ADGRA3: variants seen among roughly 807,000 people sequenced by gnomAD.
ADGRA3 encodes the protein G-protein coupled receptor 125.
Under a neutral mutation model 119.8 loss-of-function variants are expected in ADGRA3, and 56 were observed. The ratio of observed to expected loss-of-function variants is 0.47; its 90% CI spans 0.38 to 0.58. The LOEUF (loss-of-function observed/expected upper bound fraction) is 0.58. Ranked by LOEUF, ADGRA3 falls within the 20% of genes least tolerant of loss-of-function variation. The pLI, the probability that ADGRA3 is intolerant of heterozygous loss-of-function variation, is 0.00. For synonymous variants in ADGRA3, 607 were observed against 623.8 expected, an observed-to-expected ratio of 0.97 and a Z score of 0.40; for missense variants, 1,516 against 1,649.0, an observed-to-expected ratio of 0.92 and a Z score of 1.40.
At position 22,388,311 on chromosome 4, in the gene ADGRA3, C is replaced by T. The variant is rs564337647; in HGVS notation, c.3360G>A (p.Ala1120=). ...AATTGGCATGGCACTGAGCTGCAGC[C>T]GCCTGCAAGTTTGTTAATTTGCAGC... ...SQGCKLTNLQ[A]AAAQCHANSL... is the part of the protein sequence containing the mutation. Residue 1120 remains alanine (A), a synonymous_variant, in exon 19 of 19, where the codon GCG becomes GCA. Transcript: ENST00000334304. The T allele has an allele frequency of 1.9e-6, 3 of 1,613,986 alleles. No individual in the cohort carries two copies. The highest frequency in any genetic ancestry group is 1.3e-5 in the African/African-American group (1 of 74,976).
At chr4:22,461,469 T>C (rs1249071261) in intron 3 of ADGRA3, among the ~76,000 whole-genome samples, 2 of 152,146 alleles carry the variant, frequency 1.3e-5, no homozygotes, top group East Asian at 3.9e-4. Context: ...CCAGCTCATT[T>C]TCGTATTTTT....
At chr4:22,451,050 G>A (rs1383219064) in intron 4 of ADGRA3, among the ~76,000 whole-genome samples, 2 of 149,896 alleles carry the variant, frequency 1.3e-5, no homozygotes, top group African/African-American at 4.9e-5. Flanking sequence ...TCCTTCATAT[G>A]ATTTTATTAC....
chr4:22,461,907 T>A (rs1717475715), intron 2 of ADGRA3, 99 bp from the exon 3 acceptor site: 1 of 682,326 alleles, frequency 1.5e-6, no homozygotes, highest in Non-Finnish European at 2.4e-6. Context: ...AAAAGTATAA[T>A]AATAAGAGGA....
chr4:22,481,233 T>A (rs574135149), intron 1 of ADGRA3, among the ~76,000 whole-genome samples: 19 of 152,280 alleles, frequency 1.2e-4, no homozygotes, highest in Admixed American at 1.2e-3. Context: ...AGTCACTAAC[T>A]TCAATTGGTA....
At chr4:22,448,874 T>A (rs1002580527) in intron 4 of ADGRA3, among the ~76,000 whole-genome samples, 6 of 152,214 alleles carry the variant, frequency 3.9e-5, no homozygotes, top group African/African-American at 1.4e-4. Context: ...AGGGAAGTCT[T>A]TTATTTTTGG....
intron 4 of ADGRA3, among the ~76,000 whole-genome samples, chr4:22,450,971 T>C (rs907566392): frequency 2.7e-5 from 4 of 146,888 alleles, no homozygotes; most frequent in East Asian, 2.0e-4. Flanking sequence ...TATATATATA[T>C]ACACCAGATC....
At chr4:22,409,767 T>C (rs190402658) in intron 14 of ADGRA3, among the ~76,000 whole-genome samples, 1 of 152,314 alleles carries the variant, frequency 6.6e-6, no homozygotes, top group East Asian at 1.9e-4. Context: ...GTGTGTGTAG[T>C]ATGCAACCTT....
chr4:22,469,332 G>C (rs1258694259), intron 2 of ADGRA3, among the ~76,000 whole-genome samples: 1 of 152,188 alleles, frequency 6.6e-6, no homozygotes, highest in Non-Finnish European at 1.5e-5. Flanking sequence ...AGACTGTTAA[G>C]TTACATGAGG....
rs72140644 is a variant in ADGRA3 at position 22,498,252 on chromosome 4, C to CAAA, written c.257+17273_257+17275dup. ...ACAAAAGCGAAACGAGTTTCACAAA[C>CAAA]AAAAAATAAATAAATAAATAAAAAT... On this transcript the variant is annotated intron_variant, in intron 1 of 18. Transcript: ENST00000334304. Among the ~76,000 whole-genome samples, 7 of 151,644 alleles carry CAAA rather than the reference C, an allele frequency of 4.6e-5. No homozygotes were observed. In the South Asian group the frequency reaches 8.3e-4, roughly 18 times the overall value.
At chr4:22,429,489 A>G (rs556898968) in intron 10 of ADGRA3, among the ~76,000 whole-genome samples, 13 of 152,294 alleles carry the variant, frequency 8.5e-5, no homozygotes, top group African/African-American at 3.1e-4. Flanking sequence ...GGCCTAGGCC[A>G]TGCCAACACA....
At chr4:22,401,251 TG>T (rs1310270230) in intron 16 of ADGRA3, among the ~76,000 whole-genome samples, 179 bp downstream of exon 16, 3 of 152,210 alleles carry the variant, frequency 2.0e-5, no homozygotes, top group Admixed American at 6.5e-5. Flanking sequence ...TATATTCAGT[TG>T]CAAAATGGTA....
chr4:22,515,692 G>GCCGCCT lies in ADGRA3; in HGVS notation c.87_92dup (p.Gly34_Gly35dup), dbSNP rs1160177788. 1.8e-6 allele frequency: 2 copies of GCCGCCT among 1,096,268 alleles called. No individual in the cohort carries two copies. The highest frequency in any genetic ancestry group is 5.3e-5 in the Admixed American group (1 of 18,928). 67.9% of individuals were successfully genotyped at this position (1,096,268 alleles called of 1,614,324 possible). On this transcript the variant is annotated inframe_insertion, in exon 1 of 19. Transcript: ENST00000334304. ...GCAGCGCCGCGGCGCCGCCGCCGCC[G>GCCGCCT]CCGCCTCCCAGCAGCGCGAGCAGCG...
At chr4:22,508,528 C>G (rs544740148) in intron 1 of ADGRA3, among the ~76,000 whole-genome samples, 6 of 152,340 alleles carry the variant, frequency 3.9e-5, no homozygotes, top group Middle Eastern at 6.8e-3. Context: ...ATTGAGAAAT[C>G]AGGCTGCAGA....
At position 22,388,884 on chromosome 4, in the gene ADGRA3, A is replaced by G. The variant is rs1713973531; in HGVS notation, c.2787T>C (p.Phe929=). ...TGCTCAGAAAGTACATGCAGTTTAC[A>G]AAAGTGATGAAGCTGGCTGGCCCAT... The part of the protein sequence containing the change: ...AFYGPASFIT[F]VNCMYFLSIF... The change falls in exon 19 of 19, where the codon TTT becomes TTC. Residue 929 remains phenylalanine, a synonymous_variant. Coordinates refer to ENST00000334304, the MANE Select transcript of ADGRA3 (RefSeq NM_145290.4). 2 of 1,614,014 alleles carry G rather than the reference A, an allele frequency of 1.2e-6. No homozygotes were observed. Among genetic ancestry groups the G allele is most frequent in the Non-Finnish European group, 1.7e-6 (2 of 1,180,010 alleles).
intron 6 of ADGRA3, among the ~76,000 whole-genome samples, chr4:22,444,211 C>A (rs1315750820): frequency 1.3e-5 from 2 of 152,090 alleles, no homozygotes; most frequent in African/African-American, 4.8e-5. Context: ...TACACAGAGT[C>A]TGAAGATTTA....
chr4:22,448,775 G>A (rs1285399310), intron 4 of ADGRA3, among the ~76,000 whole-genome samples: 1 of 151,996 alleles, frequency 6.6e-6, no homozygotes, highest in African/African-American at 2.4e-5. Context: ...TAATTTTTTT[G>A]TAAGAAAAAG....
At chr4:22,390,956 T>C (rs1714109655) in intron 17 of ADGRA3, among the ~76,000 whole-genome samples, 1 of 152,038 alleles carries the variant, frequency 6.6e-6, no homozygotes, top group Admixed American at 6.5e-5. Flanking sequence ...TCCTACAACA[T>C]AACTCTGGGG....
At chr4:22,485,275 G>C (rs1025032185) in intron 1 of ADGRA3, among the ~76,000 whole-genome samples, 5 of 111,472 alleles carry the variant, frequency 4.5e-5, no homozygotes, top group Non-Finnish European at 1.1e-4. Context: ...GGCTGGTCTC[G>C]AACTCCTGGC....
intron 14 of ADGRA3, among the ~76,000 whole-genome samples, chr4:22,408,376 A>G (rs1451623334): frequency 6.6e-6 from 1 of 152,096 alleles, no homozygotes; most frequent in Non-Finnish European, 1.5e-5. Flanking sequence ...CTGGGAGAAG[A>G]TGTATGCAAC....
Sources: allele counts gnomAD v4.1 joint callset (sites outside exome capture counted in the v4.1 genomes callset), GRCh38; gene constraint gnomAD v4.1.1; transcripts MANE v1.5; gene names NCBI Gene and HGNC (gene_info 2026-07-23, HGNC 2026-07-21).